The following BRINP1 variants were observed in gnomAD, a reference collection of about 807,000 sequenced individuals.
The protein encoded by BRINP1 is BMP/retinoic acid inducible neural specific 1, also known as BMP/retinoic acid-inducible neural-specific protein 1.
BRINP1 carries 17 observed loss-of-function variants against 72.9 expected under a neutral mutation model. The observed-to-expected ratio is 0.23, with a 90% CI of 0.16 to 0.35. The LOEUF (loss-of-function observed/expected upper bound fraction) is 0.35. BRINP1 is among the 10% of genes least tolerant of loss of function. The pLI is 1.00. For synonymous variants in BRINP1, 418 were observed against 378.5 expected, an observed-to-expected ratio of 1.10 and a Z score of -1.21; for missense variants, 850 against 1,001.6, an observed-to-expected ratio of 0.85 and a Z score of 2.04.
At chr9:119,191,086 T>C (rs1829678999) in intron 7 of BRINP1, among the ~76,000 whole-genome samples, 1 of 151,984 alleles carries the variant, frequency 6.6e-6, no homozygotes, top group Non-Finnish European at 1.5e-5. Flanking sequence ...AAGTTAAACA[T>C]TTTTTCTTGT....
At chr9:119,353,587 T>C (rs1475057677) in intron 1 of BRINP1, among the ~76,000 whole-genome samples, 2 of 152,102 alleles carry the variant, frequency 1.3e-5, no homozygotes, top group Non-Finnish European at 2.9e-5. Flanking sequence ...TCATGAGAAA[T>C]TAAGAAAACT....
intron 7 of BRINP1, among the ~76,000 whole-genome samples, chr9:119,171,131 C>A (rs1475601580): frequency 2.7e-5 from 4 of 150,028 alleles, no homozygotes; most frequent in Non-Finnish European, 4.5e-5. Flanking sequence ...ACACATAACA[C>A]TATTAACTTT....
chr9:119,264,174 T>G (rs1369940769), intron 2 of BRINP1, among the ~76,000 whole-genome samples: 2 of 152,218 alleles, frequency 1.3e-5, no homozygotes, highest in Admixed American at 1.3e-4. Context: ...AAGTGAGGAA[T>G]TTTGGAATTA....
chr9:119,305,007 A>G (rs1830980337), intron 2 of BRINP1, among the ~76,000 whole-genome samples: 1 of 152,230 alleles, frequency 6.6e-6, no homozygotes, highest in Non-Finnish European at 1.5e-5. Context: ...TAACCTGATT[A>G]ACACAAACCC....
intron 2 of BRINP1, among the ~76,000 whole-genome samples, chr9:119,268,381 C>T (rs1302782446): frequency 6.6e-6 from 1 of 152,178 alleles, no homozygotes; most frequent in African/African-American, 2.4e-5. Context: ...ACTTCACCCT[C>T]TACCATCCTC....
Position 119,313,212 on chromosome 9 carries a change from G to A in BRINP1, c.144C>T (p.Phe48=). ...FDWLISDRGP[F]HHSRSYLSFV... is the part of the protein sequence containing the mutation. ...AGGATAGGTAGCTCCTGGAGTGGTG[G>A]AAAGGCCCCCTGTCTGAAATGAGCC... is the stretch of plus-strand genomic sequence containing the variant. Residue 48 remains phenylalanine, a synonymous_variant, in exon 2 of 8, where the codon TTC becomes TTT. Coordinates refer to ENST00000265922, the MANE Select transcript of BRINP1 (RefSeq NM_014618.3). The A allele has an allele frequency of 1.2e-6, 2 of 1,614,170 alleles. No individual in the cohort carries two copies. Among genetic ancestry groups the A allele is most frequent in the East Asian group, 2.2e-5 (1 of 44,872 alleles).
chr9:119,363,531 G>A (rs1018271128), intron 1 of BRINP1, among the ~76,000 whole-genome samples: 2 of 152,130 alleles, frequency 1.3e-5, no homozygotes, highest in Admixed American at 6.6e-5. Context: ...CTACTCAATC[G>A]AAAATTATAC....
At chr9:119,283,263 G>C in intron 2 of BRINP1, 11 of 608,440 alleles carry the variant, frequency 1.8e-5, no homozygotes, top group Non-Finnish European at 2.3e-5. Context: ...GCATCACCTG[G>C]CAGCTTGTTA....
chr9:119,250,442 G>A (rs1184076032), intron 2 of BRINP1, among the ~76,000 whole-genome samples: 1 of 152,160 alleles, frequency 6.6e-6, no homozygotes, highest in Non-Finnish European at 1.5e-5. Flanking sequence ...CAAATTATGT[G>A]TTGTGATCTT....
chr9:119,169,515 A>C (rs1829373540), intron 7 of BRINP1, among the ~76,000 whole-genome samples: 1 of 152,210 alleles, frequency 6.6e-6, no homozygotes, highest in South Asian at 2.1e-4. Flanking sequence ...CTAGCGCAGC[A>C]GTCTGAGATC....
intron 2 of BRINP1, among the ~76,000 whole-genome samples, chr9:119,269,840 A>C (rs1257900802): frequency 7.9e-6 from 1 of 126,796 alleles, no homozygotes; most frequent in Non-Finnish European, 1.7e-5. Flanking sequence ...ACACTATTCT[A>C]AACACTTGAG....
At chr9:119,221,878 T>G (rs1391826088) in intron 5 of BRINP1, among the ~76,000 whole-genome samples, 1 of 152,134 alleles carries the variant, frequency 6.6e-6, no homozygotes, top group Non-Finnish European at 1.5e-5. Flanking sequence ...AAGCAGAGTT[T>G]GAAAGGTGAC....
At chr9:119,294,243 T>C (rs1252111602) in intron 2 of BRINP1, among the ~76,000 whole-genome samples, 1 of 152,168 alleles carries the variant, frequency 6.6e-6, no homozygotes, top group Non-Finnish European at 1.5e-5. Flanking sequence ...TATAAAACGT[T>C]GATGAGGCTG....
At chr9:119,324,611 A>G (rs1349649493) in intron 1 of BRINP1, among the ~76,000 whole-genome samples, 3 of 152,244 alleles carry the variant, frequency 2.0e-5, no homozygotes, top group Non-Finnish European at 4.4e-5. Flanking sequence ...AATCATGAAG[A>G]CTAAAGTATG....
chr9:119,278,520 G>T (rs533971269), intron 2 of BRINP1, among the ~76,000 whole-genome samples: 1 of 152,288 alleles, frequency 6.6e-6, no homozygotes, highest in Non-Finnish European at 1.5e-5. Flanking sequence ...GGATAAAGGG[G>T]CCTTAGGAAC....
At chr9:119,268,575 C>T (rs1830577694) in intron 2 of BRINP1, among the ~76,000 whole-genome samples, 2 of 152,202 alleles carry the variant, frequency 1.3e-5, no homozygotes, top group Non-Finnish European at 2.9e-5. Context: ...CAAAGCTAAA[C>T]TAGACATCTT....
intron 2 of BRINP1, among the ~76,000 whole-genome samples, chr9:119,292,857 A>T (rs1000048569): frequency 1.3e-5 from 2 of 152,180 alleles, no homozygotes; most frequent in African/African-American, 4.8e-5. Context: ...TAGATGAAAG[A>T]TCAGATGTTT....
intron 2 of BRINP1, among the ~76,000 whole-genome samples, chr9:119,288,395 T>C (rs1164791681): frequency 4.6e-5 from 7 of 152,192 alleles, no homozygotes. Flanking sequence ...ATGTAATGTA[T>C]GCAAAATACA....
intron 2 of BRINP1, among the ~76,000 whole-genome samples, chr9:119,251,129 T>G (rs1161557615): frequency 6.6e-6 from 1 of 152,210 alleles, no homozygotes; most frequent in Non-Finnish European, 1.5e-5. Context: ...ATTCAAGACA[T>G]AGTTCAAATT....
Sources: allele counts gnomAD v4.1 joint callset (sites outside exome capture counted in the v4.1 genomes callset), GRCh38; gene constraint gnomAD v4.1.1; transcripts MANE v1.5; gene names NCBI Gene and HGNC (gene_info 2026-07-23, HGNC 2026-07-21).